SP140L: variants seen among roughly 807,000 people sequenced by gnomAD.
SP140L encodes the protein nuclear body protein SP140-like protein.
Under a neutral mutation model 84.3 loss-of-function variants are expected in SP140L, and 64 were observed. That is an observed-to-expected ratio of 0.76 (90% CI 0.62 to 0.94). The LOEUF (loss-of-function observed/expected upper bound fraction) is 0.94, where lower values mean the gene tolerates loss of function less well. Ranked by LOEUF, SP140L falls within the 40% of genes least tolerant of loss-of-function variation. SP140L has a pLI of 0.00. For missense variants in SP140L, 628 were observed against 692.5 expected (o/e 0.91, Z 1.05); for synonymous variants, 242 against 236.9 (o/e 1.02, Z -0.20).
At chr2:230,381,066 C>T (rs770224258) in intron 7 of SP140L, among the ~76,000 whole-genome samples, 2 of 152,046 alleles carry the variant, frequency 1.3e-5, no homozygotes, top group Non-Finnish European at 2.9e-5. Context: ...CAGAGGAAGC[C>T]CAGGTGGATG....
chr2:230,371,111 C>T (rs2061053902), intron 6 of SP140L, 144 bp downstream of exon 6: 1 of 674,512 alleles, frequency 1.5e-6, no homozygotes, highest in Non-Finnish European at 2.6e-6. Flanking sequence ...TGCAGAGAGG[C>T]AAGAGATCAT....
Position 230,327,249 on chromosome 2 carries a change from G to A in SP140L, c.-21G>A, listed in dbSNP as rs371131623. 3 of 1,607,736 alleles carry A rather than the reference G, an allele frequency of 1.9e-6. No homozygotes were observed. The highest frequency in any genetic ancestry group is 2.7e-5 in the African/African-American group (2 of 74,820). Reference sequence around the variant, plus strand: ...CTCATAGGCCAGGCTCTGACACCCAGGCAGGGCCTAGGGTGGGACGATGGC... The same window carrying A: ...CTCATAGGCCAGGCTCTGACACCCAAGCAGGGCCTAGGGTGGGACGATGGC... On this transcript the variant is annotated 5_prime_UTR_variant, in exon 1 of 19. Transcript: ENST00000415673.
intron 2 of SP140L, among the ~76,000 whole-genome samples, chr2:230,354,848 G>GGAAAGAAAGAAA (rs61603133): frequency 0.077 from 8,342 of 108,752 alleles, 368 homozygotes; most frequent in African/African-American, 0.087. Flanking sequence ...AAGAAAGAAA[G>GGAAAGAAAGAAA]GAAAGAAAGA....
rs78728996 is a variant in SP140L at position 230,396,428 on chromosome 2, C to G, written c.1156-329C>G. On this transcript the variant is annotated intron_variant, in intron 13 of 18. Transcript: ENST00000415673. ...AGAGGTTCAGAGAGCTATGCTGTAG[C>G]AGCCCAGATGGTGAGGCCAACACAG... 3.4e-3 allele frequency among the ~76,000 whole-genome samples: 512 copies of G among 152,342 alleles called. 3 individuals are homozygous for G. The highest frequency in any genetic ancestry group is 0.012 in the African/African-American group (481 of 41,584).
intron 14 of SP140L, among the ~76,000 whole-genome samples, chr2:230,399,591 T>A (rs941941562): frequency 1.3e-5 from 2 of 152,106 alleles, no homozygotes; most frequent in African/African-American, 4.8e-5. Flanking sequence ...TCCTTCCCCC[T>A]CAAAGGTAGG....
intron 10 of SP140L, chr2:230,388,906 C>T: frequency 6.5e-6 from 2 of 306,704 alleles, no homozygotes; most frequent in South Asian, 1.0e-4. Context: ...GAAGATAGGC[C>T]ATTGCTGTAT....
chr2:230,346,134 G>C (rs2060202194), intron 2 of SP140L, among the ~76,000 whole-genome samples: 1 of 152,138 alleles, frequency 6.6e-6, no homozygotes, highest in Non-Finnish European at 1.5e-5. Flanking sequence ...ATTTAAGATA[G>C]ATAGATTTAC....
rs546178287 is a variant in SP140L, at chr2:230,330,984, C to T, written c.107+2153C>T. ...TGAGTAGCCATCCTGGTAATCAGAT[C>T]GGCTGTCATGGTATCTCAGTGCTTG... On this transcript the variant is annotated intron_variant, in intron 2 of 18. Transcript: ENST00000415673. 1.2e-3 allele frequency among the ~76,000 whole-genome samples: 184 copies of T among 152,228 alleles called. 1 individual carries two copies. Among genetic ancestry groups the T allele is most frequent in the African/African-American group, 4.0e-3 (167 of 41,546 alleles).
chr2:230,343,163 GTGTT>G (rs1285492380), intron 2 of SP140L, among the ~76,000 whole-genome samples: 2 of 118,522 alleles, frequency 1.7e-5, no homozygotes, highest in African/African-American at 6.2e-5. Context: ...ATGTGCCATG[GTGTT>G]TGTTGCACAG....
At chr2:230,342,035 C>G (rs142729276) in intron 2 of SP140L, 18,920 of 156,792 alleles carry the variant, frequency 0.12, 1,192 homozygotes, top group Middle Eastern at 0.14. Context: ...TCGCGCTTCC[C>G]GGCTGCTTTG....
chr2:230,372,846 T>G (rs892085285), intron 7 of SP140L: 2 of 152,102 alleles, frequency 1.3e-5, no homozygotes, highest in Non-Finnish European at 2.9e-5. Flanking sequence ...AAATTAGGCC[T>G]TTTGCAGAAA....
At chr2:230,377,637 T>C (rs1222979240) in intron 7 of SP140L, among the ~76,000 whole-genome samples, 2 of 152,158 alleles carry the variant, frequency 1.3e-5, no homozygotes, top group Admixed American at 6.5e-5. Flanking sequence ...GCATGTTTTA[T>C]TTTGGGGAGT....
intron 1 of SP140L, among the ~76,000 whole-genome samples, chr2:230,328,214 C>T (rs1257134525): frequency 6.6e-6 from 1 of 152,128 alleles, no homozygotes; most frequent in Non-Finnish European, 1.5e-5. Flanking sequence ...CATTCTTACT[C>T]ATAAAATTTC....
chr2:230,376,237 A>G (rs2061237124), intron 7 of SP140L, among the ~76,000 whole-genome samples: 1 of 152,140 alleles, frequency 6.6e-6, no homozygotes, highest in Non-Finnish European at 1.5e-5. Context: ...TATTTATCAC[A>G]CTGCTGGAAG....
At chr2:230,383,619 A>G in intron 8 of SP140L, 44 bp downstream of exon 8, 1 of 1,560,160 alleles carries the variant, frequency 6.4e-7, no homozygotes, top group Non-Finnish European at 8.7e-7. Context: ...GAGTTTATTA[A>G]GGCGCTGTCC....
At chr2:230,371,573 C>T in intron 6 of SP140L, 25 bp from the exon 7 acceptor site, 1 of 1,567,290 alleles carries the variant, frequency 6.4e-7, no homozygotes, top group Non-Finnish European at 8.7e-7. Context: ...TTTCTGTTTC[C>T]TCACTACCAC....
At chr2:230,371,540 A>C (rs562500227) in intron 6 of SP140L, 58 bp from the exon 7 acceptor site, 2 of 1,406,034 alleles carry the variant, frequency 1.4e-6, no homozygotes, top group Non-Finnish European at 2.0e-6. Flanking sequence ...ATTGTCCTAA[A>C]ATCTATAACT....
intron 7 of SP140L, among the ~76,000 whole-genome samples, chr2:230,382,247 C>T (rs1056273287): frequency 1.5e-5 from 2 of 131,614 alleles, no homozygotes; most frequent in Admixed American, 1.9e-4. Flanking sequence ...AGAAGCTGGG[C>T]CCAGCCCCTG....
intron 11 of SP140L, 89 bp downstream of exon 11, chr2:230,390,112 T>C: frequency 8.1e-7 from 1 of 1,228,068 alleles, no homozygotes; most frequent in Non-Finnish European, 1.2e-6. Context: ...TACACATCAT[T>C]CAAGGAGTTT....
Sources: allele counts gnomAD v4.1 joint callset (sites outside exome capture counted in the v4.1 genomes callset), GRCh38; gene constraint gnomAD v4.1.1; transcripts MANE v1.5; gene names NCBI Gene and HGNC (gene_info 2026-07-23, HGNC 2026-07-21).